Variants in NCAPD2 observed in about 807,000 individuals in gnomAD.
NCAPD2 encodes the protein non-SMC condensin I complex subunit D2.
In NCAPD2, 100 loss-of-function variants were observed where a neutral mutation model predicts 164.5. The observed-to-expected ratio is 0.61, with a 90% CI of 0.52 to 0.72. The LOEUF is 0.72. Among genes scored for constraint, NCAPD2 ranks in the 30% least tolerant of loss-of-function variants. The pLI, the probability that NCAPD2 is intolerant of heterozygous loss-of-function variation, is 0.00. For synonymous variants in NCAPD2, 585 were observed against 642.6 expected, an observed-to-expected ratio of 0.91 and a Z score of 1.36; for missense variants, 1,560 against 1,749.2, an observed-to-expected ratio of 0.89 and a Z score of 1.93.
At chr12:6,513,715 C>CTTTTTTGTTTTTTTTTTTTTTTTT (rs1946171982) in intron 6 of NCAPD2, among the ~76,000 whole-genome samples, 2 of 74,888 alleles carry the variant, frequency 2.7e-5, no homozygotes, top group Non-Finnish European at 5.1e-5. Flanking sequence ...GTGACTTTGT[C>CTTTTTTGTTTTTTTTTTTTTTTTT]TTTTTTTTTT....
At chr12:6,504,198 T>TACAC (rs1565539556) in intron 2 of NCAPD2, among the ~76,000 whole-genome samples, 9 of 27,256 alleles carry the variant, frequency 3.3e-4, no homozygotes, top group African/African-American at 1.3e-3. Flanking sequence ...TATATATATA[T>TACAC]ATATATATAT....
chr12:6,523,398 G>GGTTTT, intron 17 of NCAPD2, 52 bp downstream of exon 17: 6 of 871,554 alleles, frequency 6.9e-6, no homozygotes, highest in East Asian at 2.9e-5. Flanking sequence ...TATTTTGGTT[G>GGTTTT]TTTTTTTTTT....
At chr12:6,503,540 G>A (rs993747128) in intron 2 of NCAPD2, among the ~76,000 whole-genome samples, 15 of 152,114 alleles carry the variant, frequency 9.9e-5, no homozygotes, top group African/African-American at 3.6e-4. Context: ...GGGAGGCCGA[G>A]GCGGGCAGAT....
rs545349359 is a variant in NCAPD2, at chr12:6,531,396, G to A, written c.4190G>A (p.Arg1397His). ...ACTCCCATTCTCAGAGCATCGGCTC[G>A]CAGGCACAGATCCTAGGAAGTCTGT... ...KTTPILRASARRHRS is the reference protein window; with the variant it reads ...KTTPILRASAHRHRS Residue 1397 changes from arginine to histidine, a missense_variant, in exon 32 of 32, where the codon CGC becomes CAC. Arg to His is a conservative substitution (Grantham distance 29). Transcript: ENST00000315579. This position sits in a 1 kb window ranked among gnomAD's most constrained non-coding sequence, Gnocchi z 4.1. 4.2e-5 allele frequency: 67 copies of A among 1,613,112 alleles called. No individual in the cohort carries two copies. The Admixed American group carries it at 6.8e-4, about 16-fold the overall frequency.
chr12:6,527,083 A>G lies in NCAPD2; in HGVS notation c.2907+20A>G, dbSNP rs1295689801. ...GAGAAGGTGTGTGAATGTCCTCAGCACTTCCCAGATTTATTTCATACCTCA... is the reference window on the plus strand; with the variant it reads ...GAGAAGGTGTGTGAATGTCCTCAGCGCTTCCCAGATTTATTTCATACCTCA... On this transcript the variant is annotated intron_variant, in intron 22 of 31. Coordinates refer to ENST00000315579, the MANE Select transcript of NCAPD2 (RefSeq NM_014865.4). The G allele has an allele frequency of 6.3e-6, 10 of 1,589,256 alleles. No homozygotes were observed. Among genetic ancestry groups the G allele is most frequent in the Non-Finnish European group, 8.6e-6 (10 of 1,165,170 alleles).
Position 6,527,644 on chromosome 12 carries a change from A to G in NCAPD2, c.2908-133A>G. ...ATTCAGGAATCCTTTCTCTTTACAG[A>G]CACATTTGACAATTCTCTAAATGTT... is the stretch of plus-strand genomic sequence containing the variant. On this transcript the variant is annotated intron_variant, in intron 22 of 31. Transcript: ENST00000315579. 8.8e-6 allele frequency: 7 copies of G among 794,198 alleles called. No homozygotes were observed. In the South Asian group the frequency reaches 1.2e-4, roughly 14 times the overall value. 49.2% of individuals were successfully genotyped at this position (794,198 alleles called of 1,614,324 possible). A position where few individuals can be genotyped will look rare whatever the true frequency, so the allele number is the denominator to read the frequency against.
chr12:6,516,164 C>T (rs1264989454), intron 9 of NCAPD2, among the ~76,000 whole-genome samples: 1 of 150,750 alleles, frequency 6.6e-6, no homozygotes, highest in Admixed American at 6.6e-5. Flanking sequence ...CCACTGCACT[C>T]CAACCTGGGT....
chr12:6,526,307 C>A lies in NCAPD2; in HGVS notation c.2502C>A (p.His834Gln). 1 of 1,614,092 alleles carries A rather than the reference C, an allele frequency of 6.2e-7. No individual in the cohort carries two copies. The change falls in exon 20 of 32, where the codon CAC (histidine) becomes CAA (glutamine). Residue 834 changes from histidine (H) to glutamine (Q), a missense_variant. Transcript: ENST00000315579. ...DRRKPSLGKR[H>Q]PPFRLPQEHR... ...CACAGCCTTCTCTGGGCAAACGTCA[C>A]CCCCCCTTCCGGCTGCCTCAGGAAC...
Position 6,523,083 on chromosome 12 carries a change from G to A in NCAPD2, c.2129+81G>A, listed in dbSNP as rs544244123. 2.1e-5 allele frequency: 33 copies of A among 1,547,844 alleles called. No individual in the cohort carries two copies. The East Asian group carries it at 6.3e-4, about 30-fold the overall frequency. ...CTTCCCTTGTCTCCTAAAGGAAGAG[G>A]TGCATTTCTCCAGGGGAGTTCCAGA... On this transcript the variant is annotated intron_variant, in intron 16 of 31. Coordinates refer to ENST00000315579, the MANE Select transcript of NCAPD2 (RefSeq NM_014865.4).
rs1197116061 is a variant in NCAPD2, at chr12:6,510,771, C to T, written c.405C>T (p.Ala135=). The part of the protein sequence containing the change: ...IRLLESFETM[A]SQTNLVDLDL... ...TCCTGGAATCCTTTGAGACCATGGCCAGCCAGACAAACCTTGTGGACCTGG... is the reference window on the plus strand; with the variant it reads ...TCCTGGAATCCTTTGAGACCATGGCTAGCCAGACAAACCTTGTGGACCTGG... Residue 135 remains alanine (A), a synonymous_variant, in exon 5 of 32, where the codon GCC becomes GCT. Transcript: ENST00000315579. 6.2e-7 allele frequency: 1 copy of T among 1,614,158 alleles called. No homozygotes were observed.
chr12:6,498,278 C>G (rs1946002736), intron 2 of NCAPD2, among the ~76,000 whole-genome samples: 1 of 152,140 alleles, frequency 6.6e-6, no homozygotes. Flanking sequence ...TACAACTTCT[C>G]CTATAAATAA....
chr12:6,519,708 T>TA (rs1946246885), intron 13 of NCAPD2, among the ~76,000 whole-genome samples: 3 of 152,266 alleles, frequency 2.0e-5, no homozygotes, highest in South Asian at 4.1e-4. Context: ...CAGTGGTTTT[T>TA]AAAAATATTT....
chr12:6,529,644 G>A (rs764180363), intron 28 of NCAPD2, 51 bp downstream of exon 28: 53 of 1,607,408 alleles, frequency 3.3e-5, no homozygotes, highest in Non-Finnish European at 4.3e-5. Flanking sequence ...CCCTGCAGGG[G>A]AGAAAGGCCC....
rs1491001809 is a variant in NCAPD2 at position 6,528,016 on chromosome 12, A to T, written c.3068A>T (p.Asn1023Ile). 4 of 1,614,260 alleles carry T rather than the reference A, an allele frequency of 2.5e-6. No homozygotes were observed. The highest frequency in any genetic ancestry group is 3.4e-6 in the Non-Finnish European group (4 of 1,180,046). The change falls in exon 24 of 32, where the codon AAC becomes ATC. Residue 1023 changes from asparagine to isoleucine, a missense_variant. Transcript: ENST00000315579. The surrounding 1 kb of genome is among the most constrained non-coding windows in gnomAD (Gnocchi z 5.1). ...GTTCCACTCTTGCTTAAAGTCTGTA[A>T]CAACCCAGGCCTCTATAGCAACCCA... ...AFVPLLLKVC[N>I]NPGLYSNPDL...
chr12:6,522,457 G>A (rs7342382), intron 15 of NCAPD2, among the ~76,000 whole-genome samples: 119,233 of 151,912 alleles, frequency 0.78, 47,609 homozygotes, highest in African/African-American at 0.94. Context: ...GTGATGGCAC[G>A]CACCTGTAGT....
At position 6,529,861 on chromosome 12, in the gene NCAPD2, T is replaced by C; in HGVS notation, c.3740T>C (p.Phe1247Ser). ...GGCCTCCGTAAGATGCTTGACAATT[T>C]TGACTGTTTTGGAGACAAACTGTCA... ...ERGLRKMLDNFDCFGDKLSDE... is the reference protein window; with the variant it reads ...ERGLRKMLDNSDCFGDKLSDE... Residue 1247 changes from phenylalanine (F) to serine (S), a missense_variant, in exon 29 of 32, where the codon TTT (phenylalanine) becomes TCT (serine). By Grantham distance (155) the Phe-to-Ser change is radical (BLOSUM62 -2). Coordinates refer to ENST00000315579, the MANE Select transcript of NCAPD2 (RefSeq NM_014865.4). The C allele has an allele frequency of 6.2e-7, 1 of 1,614,254 alleles. No homozygotes were observed. The highest frequency in any genetic ancestry group is 8.5e-7 in the Non-Finnish European group (1 of 1,180,050).
intron 2 of NCAPD2, among the ~76,000 whole-genome samples, chr12:6,502,837 TTTG>T (rs3076196): frequency 0.019 from 2,786 of 149,690 alleles, 93 homozygotes; most frequent in African/African-American, 0.063. Flanking sequence ...CAAAGGTGTT[TTTG>T]TTGTTGTTGT....
chr12:6,522,069 CT>C, intron 15 of NCAPD2, 32 bp downstream of exon 15: 1 of 1,579,426 alleles, frequency 6.3e-7, no homozygotes, highest in Non-Finnish European at 8.6e-7. Flanking sequence ...TAAGGACAGC[CT>C]TGGGGTTCTT....
Position 6,522,892 on chromosome 12 carries a change from T to G in NCAPD2, c.2019T>G (p.Phe673Leu). Residue 673 changes from phenylalanine (F) to leucine (L), a missense_variant, in exon 16 of 32, where the codon TTT (phenylalanine) becomes TTG (leucine). Transcript: ENST00000315579. ...VFQFGVPQALFGVRRMLPLIW... is the reference protein window; with the variant it reads ...VFQFGVPQALLGVRRMLPLIW... ...AATTTGGGGTACCCCAGGCCCTGTT[T>G]GGGGTGCGCCGTATGCTGCCTCTCA... is the stretch of plus-strand genomic sequence containing the variant. The G allele has an allele frequency of 1.9e-6, 3 of 1,614,158 alleles. No homozygotes were observed. The highest frequency in any genetic ancestry group is 2.5e-6 in the Non-Finnish European group (3 of 1,180,026).
Sources: gnomAD v4.1 joint callset for allele counts (sites outside exome capture counted in the v4.1 genomes callset) on GRCh38, gnomAD v4.1.1 for gene constraint, Gnocchi (gnomAD v3.1) non-coding constraint, MANE v1.5 for transcripts, NCBI Gene and HGNC (gene_info 2026-07-23, HGNC 2026-07-21) for gene names.